Variants in CNTNAP2 observed in about 807,000 individuals in gnomAD.
CNTNAP2 encodes the protein contactin associated protein 2.
In CNTNAP2, 98 loss-of-function variants were observed where a neutral mutation model predicts 155.2. That is an observed-to-expected ratio of 0.63 (90% confidence interval 0.54 to 0.75). The LOEUF (loss-of-function observed/expected upper bound fraction) is 0.75, where lower values mean the gene tolerates loss of function less well. Ranked by LOEUF, CNTNAP2 falls within the 30% of genes least tolerant of loss-of-function variation. The pLI is 0.00. For synonymous variants in CNTNAP2, 651 were observed against 631.2 expected (o/e 1.03, Z -0.47); for missense variants, 1,727 against 1,688.1 (o/e 1.02, Z -0.40).
chr7:146,665,798 AT>A lies in CNTNAP2; in HGVS notation c.98-108472del, dbSNP rs200604814. Among the ~76,000 whole-genome samples, 378 of 147,816 alleles carry A rather than the reference AT, an allele frequency of 2.6e-3. 104 individuals are homozygous for A. The highest frequency in any genetic ancestry group is 9.4e-3 in the African/African-American group (369 of 39,106). The stretch of plus-strand genomic sequence containing the variant: ...TCTGTCTCATTAAAAAAAAAAAAAA[AT>A]ACATTTTGTAACTGATTTCTATTTT... On this transcript the variant is annotated intron_variant, in intron 1 of 23. Coordinates refer to ENST00000361727, the MANE Select transcript of CNTNAP2 (RefSeq NM_014141.6).
intron 5 of CNTNAP2, among the ~76,000 whole-genome samples, chr7:147,109,422 A>G (rs1800830110): frequency 2.0e-5 from 3 of 152,226 alleles, no homozygotes; most frequent in Admixed American, 1.3e-4. Context: ...GAGGAATTCT[A>G]GAGATCAGTT....
At chr7:146,273,511 A>G (rs567282399) in intron 1 of CNTNAP2, among the ~76,000 whole-genome samples, 1 of 152,096 alleles carries the variant, frequency 6.6e-6, no homozygotes, top group Non-Finnish European at 1.5e-5. Flanking sequence ...ACCTAAAGAA[A>G]TGGGGGTGGG....
At chr7:148,403,491 C>G (rs1356167780) in intron 22 of CNTNAP2, among the ~76,000 whole-genome samples, 1 of 152,154 alleles carries the variant, frequency 6.6e-6, no homozygotes, top group Non-Finnish European at 1.5e-5. Flanking sequence ...TATAGCTAGT[C>G]TGTTTTAAAT....
chr7:148,330,835 C>T (rs118087387), intron 21 of CNTNAP2, among the ~76,000 whole-genome samples: 2,316 of 115,912 alleles, frequency 0.02, 32 homozygotes, highest in Middle Eastern at 0.066. Context: ...ATGGAATGGA[C>T]GGATAGAATG....
rs563896889 is a variant in CNTNAP2 at position 146,720,082 on chromosome 7, G to A, written c.98-54189G>A. On this transcript the variant is annotated intron_variant, in intron 1 of 23. Coordinates refer to ENST00000361727, the MANE Select transcript of CNTNAP2 (RefSeq NM_014141.6). ...ACCACTAATTTGCTTATAAAGGAAA[G>A]AAAATTTGAGTTTCTGTGGACTCTT... Among the ~76,000 whole-genome samples the A allele has an allele frequency of 4.6e-5, 7 of 152,140 alleles. No homozygotes were observed. In the South Asian group the frequency reaches 1.2e-3, roughly 27 times the overall value.
chr7:148,258,611 G>A lies in CNTNAP2; in HGVS notation c.3382-8422G>A, dbSNP rs1365924676. Among the ~76,000 whole-genome samples the A allele has an allele frequency of 3.3e-5, 5 of 152,166 alleles. No homozygotes were observed. In the East Asian group the frequency reaches 9.7e-4, roughly 29 times the overall value. On this transcript the variant is annotated intron_variant, in intron 20 of 23. Transcript: ENST00000361727. The stretch of plus-strand genomic sequence containing the variant: ...GTCTGTGGGAATTTCTAGTTTAGAA[G>A]GACGGGTAGACACAGATAAGGGGTG...
chr7:146,177,613 G>A (rs928276993), intron 1 of CNTNAP2, among the ~76,000 whole-genome samples: 5 of 152,100 alleles, frequency 3.3e-5, no homozygotes, highest in Admixed American at 1.3e-4. Context: ...AGTTCGTACC[G>A]GATTTCTCTT....
chr7:146,355,947 C>T (rs1794991248), intron 1 of CNTNAP2, among the ~76,000 whole-genome samples: 1 of 151,966 alleles, frequency 6.6e-6, no homozygotes. Context: ...TATTCTTACA[C>T]ATACAGCTTC....
chr7:148,229,611 A>T (rs770914885), intron 19 of CNTNAP2, 35 bp from the exon 20 acceptor site: 1 of 1,613,708 alleles, frequency 6.2e-7, no homozygotes. Flanking sequence ...AATTTAGGGC[A>T]AACAAATTAC....
chr7:147,610,223 AAATTGTAC>A, intron 12 of CNTNAP2, among the ~76,000 whole-genome samples: 1 of 152,172 alleles, frequency 6.6e-6, no homozygotes, highest in Non-Finnish European at 1.5e-5. Context: ...CAATATTGTA[AAATTGTAC>A]AGACCCGTCA....
rs555061343 is a variant in CNTNAP2 at position 146,224,647 on chromosome 7, T to C, written c.97+107674T>C. ...AGCCGGGCTTGGTGGTGGGCGCCTG[T>C]AGTCCCAGCTACTCAGGAGGCTGAG... On this transcript the variant is annotated intron_variant, in intron 1 of 23. Transcript: ENST00000361727. Among the ~76,000 whole-genome samples, 174 of 150,930 alleles carry C rather than the reference T, an allele frequency of 1.2e-3. 2 individuals are homozygous for C. The highest frequency in any genetic ancestry group is 2.0e-3 in the Non-Finnish European group (133 of 67,852).
intron 9 of CNTNAP2, among the ~76,000 whole-genome samples, chr7:147,344,786 G>A (rs1795821756): frequency 6.6e-6 from 1 of 151,910 alleles, no homozygotes; most frequent in Admixed American, 6.6e-5. Flanking sequence ...GAAAATTAGG[G>A]ACTTTTTTTA....
chr7:147,607,526 C>T (rs756315289), intron 12 of CNTNAP2, among the ~76,000 whole-genome samples: 1 of 152,100 alleles, frequency 6.6e-6, no homozygotes. Context: ...GTCACAACCC[C>T]GTCAAGGGAA....
At chr7:146,339,861 A>G (rs1466879690) in intron 1 of CNTNAP2, among the ~76,000 whole-genome samples, 3 of 152,110 alleles carry the variant, frequency 2.0e-5, no homozygotes, top group Non-Finnish European at 2.9e-5. Context: ...GAGTAATATA[A>G]TGTTATTAAA....
chr7:147,114,506 C>T (rs1484101975), intron 5 of CNTNAP2, among the ~76,000 whole-genome samples: 1 of 152,132 alleles, frequency 6.6e-6, no homozygotes, highest in Non-Finnish European at 1.5e-5. Context: ...GTACTGGGTG[C>T]ATATATATTT....
At chr7:148,116,484 C>T (rs1443392947) in intron 15 of CNTNAP2, among the ~76,000 whole-genome samples, 12 of 143,284 alleles carry the variant, frequency 8.4e-5, no homozygotes, top group South Asian at 2.2e-4. Flanking sequence ...TCTCCAACCC[C>T]GCACCCCAGT....
At chr7:146,783,789 A>G (rs1802529501) in intron 2 of CNTNAP2, among the ~76,000 whole-genome samples, 1 of 152,210 alleles carries the variant, frequency 6.6e-6, no homozygotes, top group South Asian at 2.1e-4. Flanking sequence ...AAGTTTCCAT[A>G]ATCAAATCAG....
At chr7:146,303,413 G>C (rs1800650384) in intron 1 of CNTNAP2, among the ~76,000 whole-genome samples, 1 of 151,292 alleles carries the variant, frequency 6.6e-6, no homozygotes, top group Admixed American at 6.6e-5. Flanking sequence ...AATTATTGTA[G>C]TAAGCATACA....
chr7:146,988,293 C>T (rs938965367), intron 3 of CNTNAP2, among the ~76,000 whole-genome samples: 7 of 151,656 alleles, frequency 4.6e-5, no homozygotes, highest in Non-Finnish European at 8.8e-5. Flanking sequence ...TCTTAGAAAA[C>T]CTGGTTAAAA....
Sources: allele counts gnomAD v4.1 joint callset (sites outside exome capture counted in the v4.1 genomes callset), GRCh38; gene constraint gnomAD v4.1.1; transcripts MANE v1.5; gene names NCBI Gene and HGNC (gene_info 2026-07-23, HGNC 2026-07-21).